The following RSL24D1 variants were observed in gnomAD, a reference collection of about 807,000 sequenced individuals.
The protein encoded by RSL24D1 is ribosomal L24 domain containing 1.
A neutral mutation model predicts 26.2 loss-of-function variants in RSL24D1; 6 were observed. That is an observed-to-expected ratio of 0.23 (90% CI 0.13 to 0.45). The LOEUF (loss-of-function observed/expected upper bound fraction) is 0.45, where lower values mean the gene tolerates loss of function less well. Ranked by LOEUF, RSL24D1 falls within the 20% of genes least tolerant of loss-of-function variation. The probability of loss-of-function intolerance (pLI) is 0.99; values close to 1 mark genes in which losing one functional copy is unlikely to be tolerated. For synonymous variants in RSL24D1, 61 were observed against 59.1 expected (o/e 1.03, Z -0.15); for missense variants, 176 against 202.6 (o/e 0.87, Z 0.80).
intron 2 of RSL24D1, among the ~76,000 whole-genome samples, chr15:55,191,577 C>T (rs1312044756): frequency 6.6e-6 from 1 of 152,150 alleles, no homozygotes; most frequent in African/African-American, 2.4e-5. Context: ...TGAGGTGCTA[C>T]TCTGCAGAAT....
chr15:55,196,224 C>T (rs556825198), intron 1 of RSL24D1: 2 of 422,586 alleles, frequency 4.7e-6, no homozygotes, highest in East Asian at 7.0e-5. Flanking sequence ...CCGTTCTCTG[C>T]CTTTTCTCAA....
intron 5 of RSL24D1, 138 bp from the exon 6 acceptor site, chr15:55,182,363 A>G: frequency 1.6e-6 from 1 of 623,006 alleles, no homozygotes. Context: ...TAGCTAAACT[A>G]ACATAGGTCT....
intron 4 of RSL24D1, 110 bp from the exon 5 acceptor site, chr15:55,183,510 G>A: frequency 1.4e-6 from 1 of 717,174 alleles, no homozygotes; most frequent in Non-Finnish European, 2.4e-6. Context: ...CCCCACAGAT[G>A]GGGAATGGAA....
intron 3 of RSL24D1, among the ~76,000 whole-genome samples, chr15:55,186,728 T>C (rs1016751185): frequency 6.6e-6 from 1 of 152,152 alleles, no homozygotes; most frequent in Non-Finnish European, 1.5e-5. Context: ...GAAATATGAA[T>C]AGGACTAAGA....
rs17851202 is a variant in RSL24D1 at position 55,192,827 on chromosome 15, T to C, written c.88A>G (p.Arg30Gly). 2 of 1,607,106 alleles carry C rather than the reference T, an allele frequency of 1.2e-6. No homozygotes were observed. Among genetic ancestry groups the C allele is most frequent in the African/African-American group, 2.7e-5 (2 of 74,738 alleles). ...MFVRNDCKVF[R>G]FCKSKCHKNF... ...TTATGACATTTAGATTTGCAAAATCTGAACACCTACAAGAAAAGTTAAAAT... is the reference window on the plus strand; with the variant it reads ...TTATGACATTTAGATTTGCAAAATCCGAACACCTACAAGAAAAGTTAAAAT... Residue 30 changes from arginine (R) to glycine (G), a missense_variant, in exon 2 of 6, where the codon AGA becomes GGA. Physicochemically the swap from Arg to Gly is moderately radical, Grantham distance 125. Coordinates refer to ENST00000260443, the MANE Select transcript of RSL24D1 (RefSeq NM_016304.3).
intron 3 of RSL24D1, among the ~76,000 whole-genome samples, chr15:55,185,913 T>C (rs1281478328): frequency 6.6e-6 from 1 of 152,172 alleles, no homozygotes; most frequent in Non-Finnish European, 1.5e-5. Context: ...TTTTAGAAAA[T>C]GCCTACAGGA....
chr15:55,195,364 C>G (rs2140598888), intron 1 of RSL24D1: 1 of 152,238 alleles, frequency 6.6e-6, no homozygotes, highest in East Asian at 1.9e-4. Context: ...GTTTGGAAAT[C>G]AAGCATAAAA....
chr15:55,194,375 T>A (rs757071468), intron 1 of RSL24D1: 1 of 152,200 alleles, frequency 6.6e-6, no homozygotes, highest in African/African-American at 2.4e-5. Flanking sequence ...ATATAAACAA[T>A]GGGATAAAGT....
intron 3 of RSL24D1, among the ~76,000 whole-genome samples, chr15:55,187,929 TAAAATAA>T (rs1894240977): frequency 6.7e-6 from 1 of 149,554 alleles, no homozygotes; most frequent in Non-Finnish European, 1.5e-5. Flanking sequence ...TGTAAAAAGT[TAAAATAA>T]AAAATAAAAA....
chr15:55,196,618 C>A (rs1480807381), intron 1 of RSL24D1, 192 bp downstream of exon 1: 1 of 610,234 alleles, frequency 1.6e-6, no homozygotes, highest in Non-Finnish European at 2.9e-6. Flanking sequence ...CAGCGCCGCT[C>A]GGAAGACGGG....
rs1473524745 is a variant in RSL24D1 at position 55,182,048 on chromosome 15, C to T, written c.*104G>A. ...ATGCAGGAAAGATGTCTTTTAATCG[C>T]TTTTCATTTAAGTGACCTTATGTAA... On this transcript the variant is annotated 3_prime_UTR_variant, in exon 6 of 6. Coordinates refer to ENST00000260443, the MANE Select transcript of RSL24D1 (RefSeq NM_016304.3). 5 of 692,646 alleles carry T rather than the reference C, an allele frequency of 7.2e-6. No homozygotes were observed. Among genetic ancestry groups the T allele is most frequent in the Middle Eastern group, 4.0e-4 (1 of 2,488 alleles). The allele number at this position is 692,646 out of a possible 1,614,324, so 42.9% of individuals were successfully genotyped here.
Position 55,192,831 on chromosome 15 carries a change from C to A in RSL24D1, c.84G>T (p.Val28=), listed in dbSNP as rs1202928396. Residue 28 remains valine (V), a splice_region_variant and synonymous_variant, in exon 2 of 6, where the codon GTG becomes GTT. Coordinates refer to ENST00000260443, the MANE Select transcript of RSL24D1 (RefSeq NM_016304.3). ...GMMFVRNDCK[V]FRFCKSKCHK... ...GACATTTAGATTTGCAAAATCTGAA[C>A]ACCTACAAGAAAAGTTAAAATATTG... 1 of 1,600,180 alleles carries A rather than the reference C, an allele frequency of 6.2e-7. No homozygotes were observed. The highest frequency in any genetic ancestry group is 1.7e-5 in the Admixed American group (1 of 59,724).
chr15:55,191,296 G>T (rs993148624), intron 2 of RSL24D1, among the ~76,000 whole-genome samples: 3 of 152,116 alleles, frequency 2.0e-5, no homozygotes, highest in African/African-American at 7.2e-5. Context: ...CCATCCCTCA[G>T]AAGGGCATAT....
chr15:55,182,092 A>G lies in RSL24D1; in HGVS notation c.*60T>C. ...TATGTAAAAAATAAAATAATTTAGC[A>G]GTTCCAAGTATCCAAAGGGCATTTT... On this transcript the variant is annotated 3_prime_UTR_variant, in exon 6 of 6. Transcript: ENST00000260443. 2 of 961,138 alleles carry G rather than the reference A, an allele frequency of 2.1e-6. No individual in the cohort carries two copies. Among genetic ancestry groups the G allele is most frequent in the South Asian group, 1.4e-5 (1 of 70,712 alleles). The allele number at this position is 961,138 out of a possible 1,614,324, so 59.5% of individuals were successfully genotyped here.
intron 1 of RSL24D1, among the ~76,000 whole-genome samples, chr15:55,194,945 T>G (rs1429486290): frequency 7.2e-6 from 1 of 138,760 alleles, no homozygotes. Flanking sequence ...ACTGCTTAAG[T>G]ACAGGAGACT....
chr15:55,187,956 C>A (rs1009489832), intron 3 of RSL24D1, among the ~76,000 whole-genome samples: 21 of 152,004 alleles, frequency 1.4e-4, no homozygotes, highest in African/African-American at 5.1e-4. Flanking sequence ...AAAAATCTGA[C>A]AGATATTAAC....
chr15:55,193,907 A>AT (rs1263850688), intron 1 of RSL24D1, among the ~76,000 whole-genome samples: 4 of 152,328 alleles, frequency 2.6e-5, no homozygotes, highest in Non-Finnish European at 5.9e-5. Context: ...CTACTATGAA[A>AT]TCATAAATAA....
Position 55,182,003 on chromosome 15 carries a change from C to A in RSL24D1, c.*149G>T, listed in dbSNP as rs1894172308. 3 of 567,822 alleles carry A rather than the reference C, an allele frequency of 5.3e-6. No individual in the cohort carries two copies. In the Admixed American group the frequency reaches 9.3e-5, roughly 18 times the overall value. 35.2% of individuals were successfully genotyped at this position (567,822 alleles called of 1,614,324 possible). A position where few individuals can be genotyped will look rare whatever the true frequency, so the allele number is the denominator to read the frequency against. ...AGATGCAATCTAACATCCGTAATATCTGATATTATGTAGATGGCAATGCAG... is the reference window on the plus strand; with the variant it reads ...AGATGCAATCTAACATCCGTAATATATGATATTATGTAGATGGCAATGCAG... On this transcript the variant is annotated 3_prime_UTR_variant, in exon 6 of 6. Transcript: ENST00000260443.
chr15:55,183,262 T>C, intron 5 of RSL24D1, 53 bp downstream of exon 5: 4 of 1,297,172 alleles, frequency 3.1e-6, no homozygotes, highest in Non-Finnish European at 4.4e-6. Context: ...CAAAGTTAGT[T>C]GGTACCCAAA....
Sources: allele counts gnomAD v4.1 joint callset (sites outside exome capture counted in the v4.1 genomes callset), GRCh38; gene constraint gnomAD v4.1.1; transcripts MANE v1.5; gene names NCBI Gene and HGNC (gene_info 2026-07-23, HGNC 2026-07-21).